Variants in ATP1A3 observed in about 807,000 individuals in gnomAD.
ATP1A3 encodes sodium/potassium-transporting ATPase subunit alpha-3.
ATP1A3 carries 12 observed loss-of-function variants against 108.8 expected under a neutral mutation model. The observed-to-expected ratio is 0.11, with a 90% CI of 0.07 to 0.18. The LOEUF (loss-of-function observed/expected upper bound fraction) is 0.18, where lower values mean the gene tolerates loss of function less well. Among genes scored for constraint, ATP1A3 ranks in the 10% least tolerant of loss-of-function variants. The probability of loss-of-function intolerance (pLI) is 1.00; values close to 1 mark genes in which losing one functional copy is unlikely to be tolerated. For synonymous variants in ATP1A3, 539 were observed against 564.5 expected (o/e 0.95, Z 0.64); for missense variants, 498 against 1,387.7 (o/e 0.36, Z 10.19).
rs782526131 is a variant in ATP1A3, at chr19:41,988,159, C to T, written c.154-20G>A. The T allele has an allele frequency of 6.2e-7, 1 of 1,614,142 alleles. No individual in the cohort carries two copies. Among genetic ancestry groups the T allele is most frequent in the Admixed American group, 1.7e-5 (1 of 60,030 alleles). ...CAAACCCTGAGGGACAGAGGACTCA[C>T]ACAGAACCCTCCCTGGGCAACCCTG... On this transcript the variant is annotated intron_variant, in intron 3 of 22. Coordinates refer to ENST00000648268, the MANE Select transcript of ATP1A3 (RefSeq NM_152296.5). The surrounding 1 kb of genome is among the most constrained non-coding windows in gnomAD (Gnocchi z 5.3).
intron 1 of ATP1A3, chr19:41,993,144 A>G (rs1430033410): frequency 8.3e-6 from 1 of 120,402 alleles, no homozygotes; most frequent in Non-Finnish European, 1.7e-5. Context: ...TCTTCATCCC[A>G]CCTACCCCCA....
chr19:41,986,086 C>T (rs782225920), intron 5 of ATP1A3, 30 bp downstream of exon 5: 1 of 1,614,162 alleles, frequency 6.2e-7, no homozygotes, highest in Admixed American at 1.7e-5. Context: ...ACTAACACCC[C>T]CGTCTGGCCC....
Position 41,988,161 on chromosome 19 carries a change from C to T in ATP1A3, c.154-22G>A, listed in dbSNP as rs1555866109. 3 of 1,614,106 alleles carry T rather than the reference C, an allele frequency of 1.9e-6. No homozygotes were observed. On this transcript the variant is annotated intron_variant, in intron 3 of 22. Transcript: ENST00000648268. The surrounding 1 kb of genome is among the most constrained non-coding windows in gnomAD (Gnocchi z 5.3). ...AACCCTGAGGGACAGAGGACTCACACAGAACCCTCCCTGGGCAACCCTGGC... is the reference window on the plus strand; with the variant it reads ...AACCCTGAGGGACAGAGGACTCACATAGAACCCTCCCTGGGCAACCCTGGC...
In ATP1A3 at chr19:41,987,865, G is replaced by A; in HGVS notation, c.357+71C>T. On this transcript the variant is annotated intron_variant, in intron 4 of 22. Coordinates refer to ENST00000648268, the MANE Select transcript of ATP1A3 (RefSeq NM_152296.5). ...GGCTGTGAAAAGCTTAGAGGGATGG[G>A]AAGAAGTTGGGGTGCGGTGTCCGTA... is the stretch of plus-strand genomic sequence containing the variant. 3.2e-6 allele frequency: 5 copies of A among 1,562,608 alleles called. No homozygotes were observed. In the South Asian group the frequency reaches 5.5e-5, roughly 17 times the overall value.
chr19:41,966,979 G>A lies in ATP1A3; in HGVS notation c.3014-14C>T, dbSNP rs1555858737. 3.2e-6 allele frequency: 5 copies of A among 1,551,498 alleles called. No individual in the cohort carries two copies. The highest frequency in any genetic ancestry group is 4.9e-5 in the East Asian group (2 of 40,912). On this transcript the variant is annotated splice_polypyrimidine_tract_variant and intron_variant, in intron 22 of 22. Coordinates refer to ENST00000648268, the MANE Select transcript of ATP1A3 (RefSeq NM_152296.5). ...TCTCCACCCAACCTGGAGAGACAAA[G>A]AAGGAAAGAAAGAGACAGAGTAAGA...
chr19:41,980,713 C>T (rs2075221855), intron 11 of ATP1A3, among the ~76,000 whole-genome samples: 1 of 152,056 alleles, frequency 6.6e-6, no homozygotes, highest in African/African-American at 2.4e-5. Context: ...AGATCGAGAC[C>T]ATCCTGGCTA....
chr19:41,981,757 A>G lies in ATP1A3; in HGVS notation c.1267T>C (p.Phe423Leu). Residue 423 changes from phenylalanine to leucine, a missense_variant, in exon 10 of 23, where the codon TTC becomes CTC. Transcript: ENST00000648268. This position sits in a 1 kb window ranked among gnomAD's most constrained non-coding sequence, Gnocchi z 5.0. ...GGGATGTTGTCCTGACCACCCTTGA[A>G]GACAGCGCGATTGCAGAGCCCAGCG... ...HIAGLCNRAVFKGGQDNIPVL... is the reference protein window; with the variant it reads ...HIAGLCNRAVLKGGQDNIPVL... The G allele has an allele frequency of 6.2e-7, 1 of 1,614,238 alleles. No individual in the cohort carries two copies. Among genetic ancestry groups the G allele is most frequent in the Non-Finnish European group, 8.5e-7 (1 of 1,180,056 alleles).
intron 1 of ATP1A3, among the ~76,000 whole-genome samples, chr19:41,990,654 C>A (rs1435248280): frequency 7.4e-6 from 1 of 134,590 alleles, no homozygotes; most frequent in Non-Finnish European, 1.6e-5. Flanking sequence ...ATCTCTCTCT[C>A]TCTTTCTCTC....
At chr19:41,986,251 T>G (rs1431697786) in intron 4 of ATP1A3, 22 bp from the exon 5 acceptor site, 3 of 1,611,728 alleles carry the variant, frequency 1.9e-6, no homozygotes, top group Non-Finnish European at 2.5e-6. Context: ...TGTGGGGATG[T>G]TGATCAGGGG....
intron 1 of ATP1A3, chr19:41,993,307 C>G: frequency 7.4e-7 from 1 of 1,360,230 alleles, no homozygotes; most frequent in Non-Finnish European, 1.0e-6. Context: ...CACACGGACA[C>G]AGAGGCAAGG....
intron 16 of ATP1A3, among the ~76,000 whole-genome samples, chr19:41,973,225 A>G (rs2145955073): frequency 6.6e-6 from 1 of 152,184 alleles, no homozygotes; most frequent in Middle Eastern, 3.4e-3. Flanking sequence ...ACTTTTGGGT[A>G]TATCTGGAAT....
chr19:41,993,158 A>ACCCCC, intron 1 of ATP1A3: 1 of 43,528 alleles, frequency 2.3e-5, no homozygotes. Flanking sequence ...ACCCCCACCC[A>ACCCCC]CCCCCTCCTC....
intron 1 of ATP1A3, chr19:41,993,703 G>T: frequency 1.7e-6 from 1 of 603,320 alleles, no homozygotes; most frequent in Admixed American, 3.0e-5. Flanking sequence ...ACACCCAGAC[G>T]CGATCGCAGA....
In ATP1A3 at chr19:41,988,606, G is replaced by A. The variant is rs782224050; in HGVS notation, c.7-44C>T. On this transcript the variant is annotated intron_variant, in intron 1 of 22. Transcript: ENST00000648268. This position sits in a 1 kb window ranked among gnomAD's most constrained non-coding sequence, Gnocchi z 5.3. ...ATAGCTGTCAGAGCCACCAGACTGC[G>A]GGCGAGAAGGGGTTCCAGGAGGACA... The A allele has an allele frequency of 1.6e-5, 26 of 1,613,742 alleles. No homozygotes were observed. The Admixed American group carries it at 2.2e-4, about 13-fold the overall frequency.
intron 8 of ATP1A3, among the ~76,000 whole-genome samples, chr19:41,983,294 T>A (rs1555864117): frequency 6.6e-6 from 1 of 151,936 alleles, no homozygotes; most frequent in East Asian, 1.9e-4. Flanking sequence ...GCCAGGCTGG[T>A]CTTGAACTCC....
rs2075240180 is a variant in ATP1A3 at position 41,982,195 on chromosome 19, C to T, written c.994-89G>A. The T allele has an allele frequency of 2.1e-5, 34 of 1,606,578 alleles. 2 individuals are homozygous for T. The South Asian group carries it at 3.5e-4, about 17-fold the overall frequency. On this transcript the variant is annotated intron_variant, in intron 8 of 22. Transcript: ENST00000648268. ...ACACGAGGGCCACAGCCCAGCTGCC[C>T]AGCCCCCAGAGAATCCTGAGGGCCT...
At chr19:41,972,864 A>C (rs551077516) in intron 16 of ATP1A3, among the ~76,000 whole-genome samples, 4 of 129,500 alleles carry the variant, frequency 3.1e-5, no homozygotes, top group African/African-American at 1.2e-4. Context: ...GAAGGAAAGA[A>C]GGAAGGAAGG....
At chr19:41,971,457 T>C (rs2075109180) in intron 16 of ATP1A3, among the ~76,000 whole-genome samples, 1 of 152,120 alleles carries the variant, frequency 6.6e-6, no homozygotes, top group Non-Finnish European at 1.5e-5. Flanking sequence ...TACGAGAATG[T>C]TCACCATAGC....
Position 41,968,521 on chromosome 19 carries a change from T to A in ATP1A3, c.2819+264A>T, listed in dbSNP as rs1192317796. The stretch of plus-strand genomic sequence containing the variant: ...AAGACTCTGTCTCTAAATAAATAAA[T>A]AAAAATTAGCCATATATGATGGTGC... On this transcript the variant is annotated intron_variant, in intron 20 of 22. Transcript: ENST00000648268. The surrounding 1 kb of genome is among the most constrained non-coding windows in gnomAD (Gnocchi z 5.0). 1.3e-5 allele frequency among the ~76,000 whole-genome samples: 2 copies of A among 151,650 alleles called. No individual in the cohort carries two copies. Among genetic ancestry groups the A allele is most frequent in the African/African-American group, 4.8e-5 (2 of 41,266 alleles).
Sources: gnomAD v4.1 joint callset for allele counts (sites outside exome capture counted in the v4.1 genomes callset) on GRCh38, gnomAD v4.1.1 for gene constraint, Gnocchi (gnomAD v3.1) non-coding constraint, MANE v1.5 for transcripts, NCBI Gene and HGNC (gene_info 2026-07-23, HGNC 2026-07-21) for gene names.